The following LRBA variants were observed in gnomAD, a reference collection of about 807,000 sequenced individuals.
LRBA encodes lipopolysaccharide-responsive and beige-like anchor protein.
LRBA carries 176 observed loss-of-function variants against 330.0 expected under a neutral mutation model. The observed-to-expected ratio is 0.53, with a 90% CI of 0.47 to 0.60. LRBA has a LOEUF of 0.60. Among genes scored for constraint, LRBA ranks in the 20% least tolerant of loss-of-function variants. The pLI is 0.00. For synonymous variants in LRBA, 1,230 were observed against 1,193.0 expected, an observed-to-expected ratio of 1.03 and a Z score of -0.64; for missense variants, 3,259 against 3,444.8, an observed-to-expected ratio of 0.95 and a Z score of 1.35.
chr4:150,597,650 T>C (rs1309827093), intron 38 of LRBA, among the ~76,000 whole-genome samples: 1 of 151,512 alleles, frequency 6.6e-6, no homozygotes, highest in Non-Finnish European at 1.5e-5. Flanking sequence ...TTGTTAAAAA[T>C]TGCAAAAAAA....
chr4:150,685,414 A>AC (rs1561513893), intron 36 of LRBA, among the ~76,000 whole-genome samples: 6 of 19,388 alleles, frequency 3.1e-4, no homozygotes, highest in African/African-American at 1.1e-3. Flanking sequence ...ATATATATAT[A>AC]TATATATTTT....
At chr4:150,986,436 C>T (rs1741474007) in intron 2 of LRBA, among the ~76,000 whole-genome samples, 1 of 152,124 alleles carries the variant, frequency 6.6e-6, no homozygotes, top group South Asian at 2.1e-4. Context: ...GGTACATAGA[C>T]CTGAGGTACT....
intron 40 of LRBA, among the ~76,000 whole-genome samples, chr4:150,561,579 T>C (rs1176640206): frequency 6.6e-6 from 1 of 152,090 alleles, no homozygotes; most frequent in African/African-American, 2.4e-5. Flanking sequence ...CTGACTTTGC[T>C]GAATTAAGGA....
At chr4:150,705,998 G>A (rs758640527) in intron 36 of LRBA, among the ~76,000 whole-genome samples, 11 of 151,852 alleles carry the variant, frequency 7.2e-5, no homozygotes, top group Non-Finnish European at 1.6e-4. Context: ...AATAAAAGTT[G>A]GTAAAACTAT....
chr4:150,794,108 A>C (rs1391439394), intron 34 of LRBA, among the ~76,000 whole-genome samples: 2 of 152,192 alleles, frequency 1.3e-5, no homozygotes, highest in Non-Finnish European at 2.9e-5. Flanking sequence ...CCAAGTTAGA[A>C]AGAGGGGCAG....
At chr4:150,780,631 GTATA>G (rs201026564) in intron 34 of LRBA, among the ~76,000 whole-genome samples, 20 of 136,904 alleles carry the variant, frequency 1.5e-4, no homozygotes, top group East Asian at 4.2e-4. Context: ...ATATATACAC[GTATA>G]TATATATATA....
intron 46 of LRBA, among the ~76,000 whole-genome samples, chr4:150,420,066 T>C (rs950978964): frequency 3.3e-5 from 5 of 150,370 alleles, no homozygotes; most frequent in Non-Finnish European, 5.9e-5. Flanking sequence ...GCAAGACCCG[T>C]CTCTACAAAA....
rs1015002782 is a variant in LRBA at position 150,384,164 on chromosome 4, G to A, written c.7194+31274C>T. The stretch of plus-strand genomic sequence containing the variant: ...AGCGATTCTCCTGCCTCAGTCTTCC[G>A]AGTAGCTGGGATTACAGGCATGCAC... On this transcript the variant is annotated intron_variant, in intron 47 of 56. Transcript: ENST00000651943. 4.0e-5 allele frequency among the ~76,000 whole-genome samples: 6 copies of A among 151,672 alleles called. No individual in the cohort carries two copies. The South Asian group carries it at 1.2e-3, about 32-fold the overall frequency.
chr4:150,745,538 T>A (rs1020214301), intron 35 of LRBA, among the ~76,000 whole-genome samples: 1 of 152,178 alleles, frequency 6.6e-6, no homozygotes, highest in Non-Finnish European at 1.5e-5. Context: ...GTTTTGGAGA[T>A]GGAGTCTTAC....
At chr4:150,743,815 T>A (rs1282415480) in intron 35 of LRBA, among the ~76,000 whole-genome samples, 1 of 152,218 alleles carries the variant, frequency 6.6e-6, no homozygotes, top group Admixed American at 6.5e-5. Context: ...CCTCCTTACA[T>A]GTCTCTGTTC....
At chr4:150,841,983 CT>C (rs1749154974) in intron 28 of LRBA, among the ~76,000 whole-genome samples, 1 of 152,068 alleles carries the variant, frequency 6.6e-6, no homozygotes, top group African/African-American at 2.4e-5. Flanking sequence ...TCATAGGTTC[CT>C]TTTGTTCCCT....
At chr4:150,274,128 C>G (rs1746470603) in intron 56 of LRBA, among the ~76,000 whole-genome samples, 1 of 152,174 alleles carries the variant, frequency 6.6e-6, no homozygotes, top group Non-Finnish European at 1.5e-5. Context: ...GCAGTGCAAT[C>G]AAATTAGAAC....
At chr4:150,353,891 TGTC>T (rs1274888842) in intron 47 of LRBA, among the ~76,000 whole-genome samples, 3 of 152,200 alleles carry the variant, frequency 2.0e-5, no homozygotes, top group Non-Finnish European at 4.4e-5. Flanking sequence ...GCTTCAAGCA[TGTC>T]TTGCAATATA....
At chr4:150,942,598 G>A (rs1304999725) in intron 2 of LRBA, among the ~76,000 whole-genome samples, 1 of 152,056 alleles carries the variant, frequency 6.6e-6, no homozygotes, top group Non-Finnish European at 1.5e-5. Context: ...TATATTCTGG[G>A]TCTTTCACTA....
At chr4:150,928,368 G>T (rs1579231136) in intron 4 of LRBA, 148 bp downstream of exon 4, 1 of 567,340 alleles carries the variant, frequency 1.8e-6, no homozygotes, top group Non-Finnish European at 3.1e-6. Context: ...TATGGCACGA[G>T]TAGCCACAGG....
intron 37 of LRBA, among the ~76,000 whole-genome samples, chr4:150,639,373 G>GAAAAAAAAAAAAAAAAAAAAAA (rs1428774639): frequency 2.5e-5 from 2 of 79,290 alleles, no homozygotes; most frequent in South Asian, 4.1e-4. Flanking sequence ...AAAAAAAAAA[G>GAAAAAAAAAAAAAAAAAAAAAA]AAAAAAAAAA....
At chr4:150,650,942 C>T (rs1242416934) in intron 37 of LRBA, among the ~76,000 whole-genome samples, 1 of 152,068 alleles carries the variant, frequency 6.6e-6, no homozygotes. Flanking sequence ...AACTAATCCT[C>T]ATGAGGTAAA....
chr4:150,426,296 C>T (rs1749599865), intron 46 of LRBA, among the ~76,000 whole-genome samples: 1 of 151,908 alleles, frequency 6.6e-6, no homozygotes, highest in East Asian at 1.9e-4. Context: ...TCCTTCCAGA[C>T]CAACCCCATA....
At chr4:150,524,630 C>A (rs999049590) in intron 40 of LRBA, among the ~76,000 whole-genome samples, 1 of 152,218 alleles carries the variant, frequency 6.6e-6, no homozygotes, top group East Asian at 1.9e-4. Context: ...AGTCTGTAGG[C>A]ATATTTTTCA....
Sources: allele counts gnomAD v4.1 joint callset (sites outside exome capture counted in the v4.1 genomes callset), GRCh38; gene constraint gnomAD v4.1.1; transcripts MANE v1.5; gene names NCBI Gene and HGNC (gene_info 2026-07-23, HGNC 2026-07-21).